The following ZDHHC21 variants were observed in gnomAD, a reference collection of about 807,000 sequenced individuals.
ZDHHC21 encodes the protein zDHHC palmitoyltransferase 21.
A neutral mutation model predicts 34.6 loss-of-function variants in ZDHHC21; 15 were observed. The observed-to-expected ratio is 0.43, with a 90% CI of 0.29 to 0.67. ZDHHC21 has a LOEUF of 0.67. Ranked by LOEUF, ZDHHC21 falls within the 30% of genes least tolerant of loss-of-function variation. The pLI is 0.14. For synonymous variants in ZDHHC21, 142 were observed against 101.8 expected (o/e 1.40, Z -2.38); for missense variants, 344 against 327.7 (o/e 1.05, Z -0.38).
chr9:14,663,054 G>A (rs932202728), intron 5 of ZDHHC21, among the ~76,000 whole-genome samples: 11 of 152,144 alleles, frequency 7.2e-5, no homozygotes, highest in African/African-American at 2.4e-4. Flanking sequence ...AACAGCACAC[G>A]ATTAAGCTCT....
In ZDHHC21 at chr9:14,687,800, T is replaced by G. The variant is rs552478850; in HGVS notation, c.-176+2537A>C. On this transcript the variant is annotated intron_variant, in intron 2 of 9. Transcript: ENST00000380916. ...TAAATATTTTTAATATTGCTACGCC[T>G]GAAAGAATACAATCTAACAATTTAC... Among the ~76,000 whole-genome samples the G allele has an allele frequency of 4.0e-5, 6 of 151,126 alleles. No homozygotes were observed. The East Asian group carries it at 1.2e-3, about 29-fold the overall frequency.
chr9:14,678,043 A>G (rs538481286), intron 3 of ZDHHC21, among the ~76,000 whole-genome samples: 8 of 152,216 alleles, frequency 5.3e-5, no homozygotes, highest in South Asian at 4.1e-4. Flanking sequence ...CTGTTCGACG[A>G]TATTCCATCC....
intron 4 of ZDHHC21, 104 bp downstream of exon 4, chr9:14,674,083 T>C (rs1835921669): frequency 1.5e-6 from 1 of 680,406 alleles, no homozygotes; most frequent in Non-Finnish European, 2.2e-6. Context: ...ACTGCTAAAA[T>C]ACTAAATATA....
intron 3 of ZDHHC21, 78 bp downstream of exon 3, chr9:14,679,955 T>C (rs1369769306): frequency 6.6e-6 from 1 of 152,506 alleles, no homozygotes; most frequent in Non-Finnish European, 1.5e-5. Context: ...ATTAAGTGCA[T>C]CTAAGCATAA....
intron 2 of ZDHHC21, among the ~76,000 whole-genome samples, chr9:14,685,598 T>G (rs1838178958): frequency 6.6e-6 from 1 of 152,334 alleles, no homozygotes; most frequent in South Asian, 2.1e-4. Context: ...ACTTTTACAC[T>G]GCTGGTGGGA....
At chr9:14,646,466 T>C (rs1830294795) in intron 7 of ZDHHC21, among the ~76,000 whole-genome samples, 3 of 152,114 alleles carry the variant, frequency 2.0e-5, no homozygotes, top group African/African-American at 7.2e-5. Flanking sequence ...AAATGGCCTA[T>C]AAAAAACAGA....
At chr9:14,609,458 C>T (rs924402739), downstream of ZDHHC21, among the ~76,000 whole-genome samples, 5 of 152,052 alleles carry the variant, frequency 3.3e-5, no homozygotes, top group African/African-American at 1.2e-4. Flanking sequence ...CCTGTCACTT[C>T]AAGGACAACT....
intron 7 of ZDHHC21, among the ~76,000 whole-genome samples, chr9:14,643,110 G>A (rs916644087): frequency 7.2e-5 from 11 of 152,222 alleles, no homozygotes; most frequent in South Asian, 4.2e-4. Flanking sequence ...AGCAGGGTAC[G>A]GTGGTGCATG....
the ZDHHC21 span, among the ~76,000 whole-genome samples, chr9:14,590,323 T>A: frequency 0.74 from 112,329 of 151,932 alleles, 41,919 homozygotes; most frequent in African/African-American, 0.84. Context: ...GTCATATTAC[T>A]TGTGTTTAGG....
rs1255151806 is a variant in ZDHHC21 at position 14,693,367 on chromosome 9, CCT to C, written c.-365_-364del. 1 of 397,838 alleles carries C rather than the reference CCT, an allele frequency of 2.5e-6. No homozygotes were observed. Among genetic ancestry groups the C allele is most frequent in the Non-Finnish European group, 4.9e-6 (1 of 202,940 alleles). 24.6% of individuals were successfully genotyped at this position (397,838 alleles called of 1,614,324 possible). A position where few individuals can be genotyped will look rare whatever the true frequency, so the allele number is the denominator to read the frequency against. On this transcript the variant is annotated 5_prime_UTR_variant, in exon 1 of 10. The change creates a premature stop within an existing upstream ORF in the 5' untranslated region. Transcript: ENST00000380916. ...CGCTCTCCCCTTCCGCTTCCGGGAG[CCT>C]GAGGGCCTGGACCGGCCGAGTGGGT...
At position 14,616,506 on chromosome 9, in the gene ZDHHC21, T is replaced by C. The variant is rs1586859208; in HGVS notation, c.*2460A>G. ...ACTTTTGATATGTTCAGAATGTGGCTATACTATTTACTTATGGGGCAGTAA... is the reference window on the plus strand; with the variant it reads ...ACTTTTGATATGTTCAGAATGTGGCCATACTATTTACTTATGGGGCAGTAA... On this transcript the variant is annotated 3_prime_UTR_variant, in exon 10 of 10. Coordinates refer to ENST00000380916, the MANE Select transcript of ZDHHC21 (RefSeq NM_178566.6). 2 of 151,842 alleles carry C rather than the reference T, an allele frequency of 1.3e-5. No homozygotes were observed. Among genetic ancestry groups the C allele is most frequent in the Non-Finnish European group, 2.9e-5 (2 of 67,826 alleles). The allele number at this position is 151,842 out of a possible 1,614,324, so 9.4% of individuals were successfully genotyped here.
the ZDHHC21 span, among the ~76,000 whole-genome samples, chr9:14,593,389 C>A: frequency 6.6e-6 from 1 of 152,216 alleles, no homozygotes; most frequent in South Asian, 2.1e-4. Context: ...TATTAGATAA[C>A]GTGAATAAAA....
In ZDHHC21 at chr9:14,662,217, T is replaced by C. The variant is rs915887452; in HGVS notation, c.363A>G (p.Pro121=). ...TGCTAGAAGTGAATTATTCTTACCA[T>C]GGACAGTGATGATCCATTCTCCTCA... The part of the protein sequence containing the change: ...HCVRRMDHHC[P]WINNCVGEDN... Residue 121 remains proline (P), a splice_region_variant and synonymous_variant, in exon 6 of 10, where the codon CCA becomes CCG. Transcript: ENST00000380916. The C allele has an allele frequency of 3.1e-6, 5 of 1,591,464 alleles. No homozygotes were observed. Among genetic ancestry groups the C allele is most frequent in the Non-Finnish European group, 3.4e-6 (4 of 1,167,892 alleles).
chr9:14,639,448 A>T (rs1429465292), intron 8 of ZDHHC21, among the ~76,000 whole-genome samples: 1 of 152,120 alleles, frequency 6.6e-6, no homozygotes, highest in Non-Finnish European at 1.5e-5. Context: ...GTAGCACAGT[A>T]GGGTGACTAC....
At chr9:14,635,590 C>T (rs192706765) in intron 8 of ZDHHC21, among the ~76,000 whole-genome samples, 1 of 152,240 alleles carries the variant, frequency 6.6e-6, no homozygotes, top group Non-Finnish European at 1.5e-5. Context: ...CAAAATTATC[C>T]TTCATAAATA....
At chr9:14,689,649 T>TA (rs1777964758) in intron 2 of ZDHHC21, among the ~76,000 whole-genome samples, 1 of 152,176 alleles carries the variant, frequency 6.6e-6, no homozygotes, top group African/African-American at 2.4e-5. Context: ...AACACTATCC[T>TA]AGTAGTATTA....
chr9:14,677,573 A>G (rs1405699565), intron 3 of ZDHHC21: 1 of 152,034 alleles, frequency 6.6e-6, no homozygotes, highest in Non-Finnish European at 1.5e-5. Context: ...AGATTCTGAC[A>G]TACTAATTTG....
intron 5 of ZDHHC21, 79 bp downstream of exon 5, chr9:14,672,751 T>C (rs1488501177): frequency 1.3e-5 from 12 of 928,884 alleles, no homozygotes; most frequent in Non-Finnish European, 3.3e-6. Context: ...ATAACCAATA[T>C]ATATTAAAGG....
At chr9:14,644,584 G>C (rs148316705) in intron 7 of ZDHHC21, among the ~76,000 whole-genome samples, 28 of 152,056 alleles carry the variant, frequency 1.8e-4, no homozygotes, top group African/African-American at 6.5e-4. Flanking sequence ...TTTACTAAGA[G>C]TGTGTAACCT....
Sources: allele counts gnomAD v4.1 joint callset (sites outside exome capture counted in the v4.1 genomes callset), GRCh38; gene constraint gnomAD v4.1.1; transcripts MANE v1.5; gene names NCBI Gene and HGNC (gene_info 2026-07-23, HGNC 2026-07-21).